NRG3: variants seen among roughly 807,000 people sequenced by gnomAD.
NRG3 encodes pro-neuregulin-3, membrane-bound isoform.
In NRG3, 31 loss-of-function variants were observed where a neutral mutation model predicts 66.9. That is an observed-to-expected ratio of 0.46 (90% CI 0.35 to 0.63). The LOEUF (loss-of-function observed/expected upper bound fraction) is 0.63. Among genes scored for constraint, NRG3 ranks in the 20% least tolerant of loss-of-function variants. NRG3 has a pLI of 0.00. For synonymous variants in NRG3, 393 were observed against 359.4 expected (o/e 1.09, Z -1.06); for missense variants, 910 against 878.9 (o/e 1.04, Z -0.45).
chr10:82,901,383 T>G (rs1844204907), intron 4 of NRG3, among the ~76,000 whole-genome samples: 1 of 152,072 alleles, frequency 6.6e-6, no homozygotes, highest in South Asian at 2.1e-4. Context: ...TCCAAGTCGC[T>G]CCAACCTTAG....
chr10:81,876,410 C>T (rs933408460), intron 1 of NRG3, among the ~76,000 whole-genome samples: 15 of 152,078 alleles, frequency 9.9e-5, no homozygotes, highest in African/African-American at 2.9e-4. Context: ...CCCACTTTAG[C>T]GGGTCCCAAG....
intron 2 of NRG3, among the ~76,000 whole-genome samples, chr10:82,466,940 G>A (rs74734732): frequency 0.055 from 8,276 of 151,586 alleles, 309 homozygotes; most frequent in Non-Finnish European, 0.083. Flanking sequence ...AAAACATATT[G>A]GCCATACATT....
At chr10:82,302,029 A>G (rs896358287) in intron 1 of NRG3, among the ~76,000 whole-genome samples, 4 of 151,622 alleles carry the variant, frequency 2.6e-5, no homozygotes, top group African/African-American at 9.7e-5. Flanking sequence ...TGTTTATTTT[A>G]TGTTATACTT....
At chr10:81,901,107 GAA>G (rs1469777501) in intron 1 of NRG3, among the ~76,000 whole-genome samples, 5 of 152,324 alleles carry the variant, frequency 3.3e-5, no homozygotes, top group African/African-American at 4.8e-5. Context: ...CAAAGAGAGA[GAA>G]AGACAGGGGC....
chr10:81,906,838 G>A (rs1333597818), intron 1 of NRG3, among the ~76,000 whole-genome samples: 1 of 152,176 alleles, frequency 6.6e-6, no homozygotes, highest in Non-Finnish European at 1.5e-5. Flanking sequence ...TGGAGTGGGA[G>A]CAAAGGAGCG....
intron 1 of NRG3, among the ~76,000 whole-genome samples, chr10:81,970,829 T>C (rs1452646430): frequency 1.3e-5 from 2 of 152,092 alleles, no homozygotes; most frequent in African/African-American, 2.4e-5. Flanking sequence ...ATTTTAAGAA[T>C]AACAATACAA....
At chr10:82,678,704 C>T (rs1406699242) in intron 2 of NRG3, among the ~76,000 whole-genome samples, 4 of 152,090 alleles carry the variant, frequency 2.6e-5, no homozygotes, top group African/African-American at 4.8e-5. Context: ...GCTTTCCTCA[C>T]GCCTGCCTGA....
At chr10:82,496,760 A>G (rs1384338674) in intron 2 of NRG3, among the ~76,000 whole-genome samples, 1 of 152,190 alleles carries the variant, frequency 6.6e-6, no homozygotes, top group African/African-American at 2.4e-5. Context: ...TTCATTAAAC[A>G]TACATTGCCG....
At chr10:82,895,312 C>G (rs939770972) in intron 4 of NRG3, among the ~76,000 whole-genome samples, 1 of 152,056 alleles carries the variant, frequency 6.6e-6, no homozygotes, top group Non-Finnish European at 1.5e-5. Context: ...CTGAGGGCAT[C>G]CAATACACCT....
At chr10:82,072,031 A>G (rs564444128) in intron 1 of NRG3, among the ~76,000 whole-genome samples, 3 of 152,228 alleles carry the variant, frequency 2.0e-5, no homozygotes, top group South Asian at 4.2e-4. Context: ...TGTTCTTCCA[A>G]TGGTTCTTTA....
At position 82,233,289 on chromosome 10, in the gene NRG3, C is replaced by T. The variant is rs1165973954; in HGVS notation, c.824-125450C>T. ...CTGAAGCAGGAGAATGGTGTGTACC[C>T]GGGAGGCGGAGCTTGCAGTGACCCA... On this transcript the variant is annotated intron_variant, in intron 1 of 8. Coordinates refer to ENST00000372141, the MANE Select transcript of NRG3 (RefSeq NM_001010848.4). 2.0e-5 allele frequency among the ~76,000 whole-genome samples: 3 copies of T among 152,066 alleles called. No homozygotes were observed. In the South Asian group the frequency reaches 6.2e-4, roughly 31 times the overall value.
intron 7 of NRG3, among the ~76,000 whole-genome samples, chr10:82,977,477 G>A (rs1403348391): frequency 6.6e-6 from 1 of 151,804 alleles, no homozygotes; most frequent in Non-Finnish European, 1.5e-5. Context: ...GCCATTGTGG[G>A]GGGCACCTGT....
At chr10:82,349,694 C>G (rs902242787) in intron 1 of NRG3, among the ~76,000 whole-genome samples, 4 of 152,086 alleles carry the variant, frequency 2.6e-5, no homozygotes, top group Non-Finnish European at 5.9e-5. Flanking sequence ...TGATCTCAGA[C>G]TGCTGTGCTA....
chr10:82,236,950 T>C (rs556888604), intron 1 of NRG3, among the ~76,000 whole-genome samples: 54 of 152,116 alleles, frequency 3.5e-4, no homozygotes, highest in African/African-American at 1.2e-3. Flanking sequence ...CTCCTGACCT[T>C]GTGGTCCGCC....
At chr10:82,890,942 T>C (rs960048898) in intron 4 of NRG3, among the ~76,000 whole-genome samples, 1 of 152,150 alleles carries the variant, frequency 6.6e-6, no homozygotes, top group Non-Finnish European at 1.5e-5. Context: ...GTGAAGTATC[T>C]GTTAGGTTTC....
chr10:82,850,929 A>G (rs1427941828), intron 3 of NRG3, among the ~76,000 whole-genome samples: 1 of 152,138 alleles, frequency 6.6e-6, no homozygotes, highest in African/African-American at 2.4e-5. Flanking sequence ...TAAAGGGTAA[A>G]TACTTGAAAC....
intron 3 of NRG3, among the ~76,000 whole-genome samples, chr10:82,861,536 A>G (rs2064126086): frequency 6.6e-6 from 1 of 152,188 alleles, no homozygotes; most frequent in African/African-American, 2.4e-5. Context: ...CCCTCCATTA[A>G]TCAAACATGC....
chr10:82,303,767 C>A (rs1262339314), intron 1 of NRG3, among the ~76,000 whole-genome samples: 3 of 151,918 alleles, frequency 2.0e-5, no homozygotes, highest in Non-Finnish European at 4.4e-5. Flanking sequence ...ACTCGGGAGG[C>A]TGAGGCAGAG....
chr10:82,257,774 GA>G (rs1197559331), intron 1 of NRG3, among the ~76,000 whole-genome samples: 2 of 150,736 alleles, frequency 1.3e-5, no homozygotes, highest in African/African-American at 4.9e-5. Context: ...CTCAAAAAAA[GA>G]AAAAAAAATT....
Sources: gnomAD v4.1 joint callset for allele counts (sites outside exome capture counted in the v4.1 genomes callset) on GRCh38, gnomAD v4.1.1 for gene constraint, MANE v1.5 for transcripts, NCBI Gene and HGNC (gene_info 2026-07-23, HGNC 2026-07-21) for gene names.